LYSMD2: variants seen among roughly 807,000 people sequenced by gnomAD.
LYSMD2 encodes LysM domain containing 2, also known as lysM and putative peptidoglycan-binding domain-containing protein 2.
In LYSMD2, 6 loss-of-function variants were observed where a neutral mutation model predicts 17.7. That is an observed-to-expected ratio of 0.34 (90% confidence interval 0.19 to 0.67). LYSMD2 has a LOEUF of 0.67. Ranked by LOEUF, LYSMD2 falls within the 30% of genes least tolerant of loss-of-function variation. The probability of loss-of-function intolerance (pLI) is 0.69; values close to 1 mark genes in which losing one functional copy is unlikely to be tolerated. For missense variants in LYSMD2, 237 were observed against 286.7 expected (o/e 0.83, Z 1.25); for synonymous variants, 102 against 129.8 (o/e 0.79, Z 1.45).
At chr15:51,748,215 A>G (rs1231964024) in intron 1 of LYSMD2, among the ~76,000 whole-genome samples, 3 of 141,452 alleles carry the variant, frequency 2.1e-5, no homozygotes, top group Non-Finnish European at 4.5e-5. Flanking sequence ...GTGAGCCAAG[A>G]TCGCACCACT....
intron 1 of LYSMD2, among the ~76,000 whole-genome samples, chr15:51,728,783 T>C (rs1399139457): frequency 6.6e-6 from 1 of 151,774 alleles, no homozygotes; most frequent in East Asian, 1.9e-4. Context: ...GGCAGAAGAA[T>C]CGCTTGAACC....
intron 1 of LYSMD2, among the ~76,000 whole-genome samples, chr15:51,731,010 T>C (rs758102594): frequency 1.5e-4 from 23 of 152,202 alleles, no homozygotes; most frequent in Admixed American, 1.4e-3. Flanking sequence ...ATTCTATTTA[T>C]GGCAAATGTC....
chr15:51,737,734 C>T, upstream of LYSMD2: 1 of 834,960 alleles, frequency 1.2e-6, no homozygotes, highest in Non-Finnish European at 1.6e-6. This position sits in a 1 kb window ranked among gnomAD's most constrained non-coding sequence, Gnocchi z 4.2. Context: ...CAGGCCGTTC[C>T]GCGGGGGCGG....
chr15:51,733,184 T>A (rs1198324574), intron 1 of LYSMD2, among the ~76,000 whole-genome samples: 15 of 152,096 alleles, frequency 9.9e-5, no homozygotes, highest in Admixed American at 9.8e-4. Context: ...TCACCAGATA[T>A]CTGCACAGCT....
At chr15:51,747,105 C>T (rs986100158) in intron 1 of LYSMD2, among the ~76,000 whole-genome samples, 1 of 150,612 alleles carries the variant, frequency 6.6e-6, no homozygotes, top group Admixed American at 6.6e-5. Flanking sequence ...GAGGCTTAGA[C>T]ATGAGAATTG....
At chr15:51,743,709 G>T (rs1035543205) in intron 1 of LYSMD2, among the ~76,000 whole-genome samples, 2 of 152,204 alleles carry the variant, frequency 1.3e-5, no homozygotes, top group African/African-American at 4.8e-5. Context: ...AAATTGTGAA[G>T]AAGTGACATC....
Position 51,724,982 on chromosome 15 carries a change from G to A in LYSMD2, c.413C>T (p.Thr138Ile). 6.2e-7 allele frequency: 1 copy of A among 1,614,118 alleles called. No individual in the cohort carries two copies. Among genetic ancestry groups the A allele is most frequent in the Non-Finnish European group, 8.5e-7 (1 of 1,179,992 alleles). The stretch of plus-strand genomic sequence containing the variant: ...TTCCTGAGAAAAACTGTTATCAGCA[G>A]TTTCATTTTCTGGAGAATCAATGGA... ...LNSIDSPENE[T>I]ADNSFSQEEE... is the part of the protein sequence containing the mutation. Residue 138 changes from threonine to isoleucine, a missense_variant, in exon 2 of 3, where the codon ACT becomes ATT. By Grantham distance (89) the Thr-to-Ile change is moderately conservative. Transcript: ENST00000267838.
upstream of LYSMD2, chr15:51,737,690 C>G: frequency 9.0e-7 from 1 of 1,112,750 alleles, no homozygotes; most frequent in Non-Finnish European, 1.1e-6. The surrounding 1 kb of genome is among the most constrained non-coding windows in gnomAD (Gnocchi z 4.2). Context: ...CCTCCGCCGC[C>G]GCCGCCGCCT....
At chr15:51,724,350 T>C (rs1057453299) in intron 2 of LYSMD2, among the ~76,000 whole-genome samples, 1 of 152,204 alleles carries the variant, frequency 6.6e-6, no homozygotes, top group African/African-American at 2.4e-5. Context: ...CTATCAATAT[T>C]TTACAAGTAT....
In LYSMD2 at chr15:51,737,413, A is replaced by G. The variant is rs1450412277; in HGVS notation, c.210T>C (p.His70=). The change falls in exon 1 of 3, where the codon CAT becomes CAC. Residue 70 remains histidine (H), a synonymous_variant. Coordinates refer to ENST00000267838, the MANE Select transcript of LYSMD2 (RefSeq NM_153374.3). This position sits in a 1 kb window ranked among gnomAD's most constrained non-coding sequence, Gnocchi z 4.2. The part of the protein sequence containing the change: ...APLGAGVIER[H]VEHRVRAGDT... ...CGCCCGCGCGGACCCGGTGCTCCAC[A>G]TGGCGCTCGATGACGCCGGCGCCCA... The G allele has an allele frequency of 1.4e-6, 2 of 1,445,178 alleles. No homozygotes were observed. The highest frequency in any genetic ancestry group is 1.5e-5 in the African/African-American group (1 of 67,294). The allele number at this position is 1,445,178 out of a possible 1,614,324, so 89.5% of individuals were successfully genotyped here. A position where few individuals can be genotyped will look rare whatever the true frequency, so the allele number is the denominator to read the frequency against.
chr15:51,727,375 G>C (rs2055546762), intron 1 of LYSMD2, among the ~76,000 whole-genome samples: 1 of 152,198 alleles, frequency 6.6e-6, no homozygotes, highest in Admixed American at 6.5e-5. Context: ...AGGAGTCCCA[G>C]ATCCAAGGCT....
At position 51,737,369 on chromosome 15, in the gene LYSMD2, G is replaced by C; in HGVS notation, c.254C>G (p.Ala85Gly). Reference sequence around the variant, plus strand: ...GCTCACCGTGACACCGTACTTGAGCGCGATGCCCTGCAGCGTGTCGCCCGC... The same window carrying C: ...GCTCACCGTGACACCGTACTTGAGCCCGATGCCCTGCAGCGTGTCGCCCGC... ...VRAGDTLQGI[A>G]LKYGVTMEQI... The change falls in exon 1 of 3, where the codon GCG (alanine) becomes GGG (glycine). Residue 85 changes from alanine to glycine, a missense_variant. Ala to Gly is a moderately conservative substitution (Grantham distance 60, BLOSUM62 0). Coordinates refer to ENST00000267838, the MANE Select transcript of LYSMD2 (RefSeq NM_153374.3). The surrounding 1 kb of genome is among the most constrained non-coding windows in gnomAD (Gnocchi z 4.2). 1 of 1,451,554 alleles carries C rather than the reference G, an allele frequency of 6.9e-7. No homozygotes were observed. The highest frequency in any genetic ancestry group is 9.0e-7 in the Non-Finnish European group (1 of 1,106,938). The allele number at this position is 1,451,554 out of a possible 1,614,324, so 89.9% of individuals were successfully genotyped here.
intron 1 of LYSMD2, among the ~76,000 whole-genome samples, chr15:51,743,502 A>T (rs1221640351): frequency 6.6e-6 from 1 of 152,232 alleles, no homozygotes; most frequent in African/African-American, 2.4e-5. Flanking sequence ...TATTGTTTCA[A>T]GAATACTACA....
At chr15:51,733,963 T>C (rs2055592936) in intron 1 of LYSMD2, among the ~76,000 whole-genome samples, 1 of 152,112 alleles carries the variant, frequency 6.6e-6, no homozygotes, top group African/African-American at 2.4e-5. Flanking sequence ...GGTGGGCAGA[T>C]CATGAGGTCA....
chr15:51,749,196 C>T (rs1022733804), intron 1 of LYSMD2, among the ~76,000 whole-genome samples: 7 of 152,206 alleles, frequency 4.6e-5, no homozygotes, highest in African/African-American at 1.7e-4. Flanking sequence ...ATATTGACAT[C>T]CTTTCTTCCT....
At chr15:51,743,586 T>C (rs865878108) in intron 1 of LYSMD2, among the ~76,000 whole-genome samples, 2 of 152,346 alleles carry the variant, frequency 1.3e-5, no homozygotes, top group African/African-American at 4.8e-5. Context: ...TTCTTCAGTA[T>C]TGCATTGGCA....
chr15:51,726,102 T>G (rs1182880018), intron 1 of LYSMD2, among the ~76,000 whole-genome samples: 1 of 152,244 alleles, frequency 6.6e-6, no homozygotes, highest in Admixed American at 6.5e-5. Flanking sequence ...GCTGATTCCA[T>G]GCAAATAGTA....
chr15:51,739,953 T>A (rs1240238810), upstream of LYSMD2, among the ~76,000 whole-genome samples: 1 of 152,012 alleles, frequency 6.6e-6, no homozygotes, highest in East Asian at 1.9e-4. Context: ...GCTTTGGGGT[T>A]TTCTTTGTTT....
chr15:51,729,175 A>T (rs2055560341), intron 1 of LYSMD2, among the ~76,000 whole-genome samples: 1 of 152,274 alleles, frequency 6.6e-6, no homozygotes, highest in Non-Finnish European at 1.5e-5. Flanking sequence ...GGCAGGAAAA[A>T]AATCATGTGG....
Sources: allele counts gnomAD v4.1 joint callset (sites outside exome capture counted in the v4.1 genomes callset), GRCh38; gene constraint gnomAD v4.1.1; non-coding constraint Gnocchi (gnomAD v3.1); transcripts MANE v1.5; gene names NCBI Gene and HGNC (gene_info 2026-07-23, HGNC 2026-07-21).